CACNA1C: variants seen among roughly 807,000 people sequenced by gnomAD.
CACNA1C encodes calcium voltage-gated channel subunit alpha1 C, also known as voltage-dependent L-type calcium channel subunit alpha-1C.
CACNA1C carries 30 observed loss-of-function variants against 229.0 expected under a neutral mutation model. The ratio of observed to expected loss-of-function variants is 0.13; its 90% CI spans 0.10 to 0.18. The LOEUF (loss-of-function observed/expected upper bound fraction) is 0.18. Ranked by LOEUF, CACNA1C falls within the 10% of genes least tolerant of loss-of-function variation. CACNA1C has a pLI of 1.00. For missense variants in CACNA1C, 1,658 were observed against 2,845.0 expected (o/e 0.58, Z 9.49); for synonymous variants, 1,114 against 1,132.5 (o/e 0.98, Z 0.33).
At chr12:2,173,065 T>C (rs2096544231) in intron 3 of CACNA1C, among the ~76,000 whole-genome samples, 1 of 152,216 alleles carries the variant, frequency 6.6e-6, no homozygotes, top group Non-Finnish European at 1.5e-5. Flanking sequence ...GATGAGTGTG[T>C]CCGGCGGTGT....
chr12:2,521,291 CTG>C (rs1218643758), intron 9 of CACNA1C, among the ~76,000 whole-genome samples: 9 of 152,188 alleles, frequency 5.9e-5, no homozygotes. Flanking sequence ...GGAGGCCACA[CTG>C]TGGTTTTGGA....
chr12:2,574,791 A>C (rs2057780291), intron 13 of CACNA1C, among the ~76,000 whole-genome samples: 1 of 152,196 alleles, frequency 6.6e-6, no homozygotes, highest in East Asian at 1.9e-4. Context: ...ATTATTAAGG[A>C]AGTCTGTTTG....
chr12:2,021,572 C>T (rs192733981), intron 1 of CACNA1C, among the ~76,000 whole-genome samples: 67 of 152,022 alleles, frequency 4.4e-4, no homozygotes, highest in Middle Eastern at 6.8e-3. Flanking sequence ...TCCAGCTACT[C>T]AGGAGGCTGA....
rs908374968 is a variant in CACNA1C, at chr12:2,067,488, G to A, written c.49+13877G>A. On this transcript the variant is annotated intron_variant, in intron 1 of 46. Transcript: ENST00000399655. The surrounding 1 kb of genome is among the most constrained non-coding windows in gnomAD (Gnocchi z 5.3). Reference sequence around the variant, plus strand: ...TGTGTGTGTGTGTGTGTGTGCGCGCGTGTGCGTGCCTGTATGTAAGGGCAG... The same window carrying A: ...TGTGTGTGTGTGTGTGTGTGCGCGCATGTGCGTGCCTGTATGTAAGGGCAG... 3.3e-5 allele frequency among the ~76,000 whole-genome samples: 5 copies of A among 151,562 alleles called. No homozygotes were observed. The highest frequency in any genetic ancestry group is 3.9e-4 in the East Asian group (2 of 5,168).
At position 2,354,489 on chromosome 12, in the gene CACNA1C, G is replaced by A. The variant is rs1305124474; in HGVS notation, c.478-94487G>A. ...AGGAACAGGAGACTGTTGAGAAGGG[G>A]ACGGAGAACCTCACCAGCAGCTGAA... On this transcript the variant is annotated intron_variant, in intron 3 of 46. Coordinates refer to ENST00000399655, the MANE Select transcript of CACNA1C (RefSeq NM_000719.7). This position sits in a 1 kb window ranked among gnomAD's most constrained non-coding sequence, Gnocchi z 4.6. Among the ~76,000 whole-genome samples, 3 of 152,180 alleles carry A rather than the reference G, an allele frequency of 2.0e-5. No homozygotes were observed. The highest frequency in any genetic ancestry group is 7.2e-5 in the African/African-American group (3 of 41,442).
intron 3 of CACNA1C, among the ~76,000 whole-genome samples, chr12:2,189,508 C>T (rs938078788): frequency 3.3e-5 from 5 of 152,180 alleles, no homozygotes; most frequent in African/African-American, 1.2e-4. Flanking sequence ...TATGGGCCAT[C>T]GTGGCTGCCT....
At position 2,019,506 on chromosome 12, in the gene CACNA1C, A is replaced by G. The variant is rs2046008196; in HGVS notation, c.139+48305A>G. Among the ~76,000 whole-genome samples the G allele has an allele frequency of 2.2e-5, 3 of 134,612 alleles. No homozygotes were observed. In the South Asian group the frequency reaches 8.5e-4, roughly 38 times the overall value. The allele number at this position is 134,612 out of a possible 152,430, so 88.3% of individuals were successfully genotyped here. A position where few individuals can be genotyped will look rare whatever the true frequency, so the allele number is the denominator to read the frequency against. ...AGAAAAGAAAGGGAGGGAGGGAGGG[A>G]GGGAGGAAGGAAGGAAGGAAGGAAA... On this transcript the variant is annotated intron_variant, in intron 1 of 46. Transcript: ENST00000682462.
Position 2,432,429 on chromosome 12 carries a change from A to T in CACNA1C, c.478-16547A>T, listed in dbSNP as rs567208103. On this transcript the variant is annotated intron_variant, in intron 3 of 46. Transcript: ENST00000399655. ...AGGGGAGATGACCATCCTGATCATC[A>T]GCCTCAAAGACCTACCTCTGACTGA... Among the ~76,000 whole-genome samples, 3 of 152,302 alleles carry T rather than the reference A, an allele frequency of 2.0e-5. No individual in the cohort carries two copies. In the East Asian group the frequency reaches 5.8e-4, roughly 29 times the overall value.
chr12:2,427,483 T>C (rs1310268147), intron 3 of CACNA1C, among the ~76,000 whole-genome samples: 1 of 151,830 alleles, frequency 6.6e-6, no homozygotes, highest in Non-Finnish European at 1.5e-5. Flanking sequence ...GGATAGCCTA[T>C]GAAGATCAAG....
chr12:2,348,925 T>C lies in CACNA1C; in HGVS notation c.478-100051T>C, dbSNP rs970908709. 3.9e-5 allele frequency among the ~76,000 whole-genome samples: 6 copies of C among 152,188 alleles called. No individual in the cohort carries two copies. Among genetic ancestry groups the C allele is most frequent in the African/African-American group, 1.4e-4 (6 of 41,442 alleles). On this transcript the variant is annotated intron_variant, in intron 3 of 46. Coordinates refer to ENST00000399655, the MANE Select transcript of CACNA1C (RefSeq NM_000719.7). The surrounding 1 kb of genome is among the most constrained non-coding windows in gnomAD (Gnocchi z 4.7). ...AAAGTCCTCCTTAATGGAATTCCTC[T>C]TAGAGGCAGGCATCGACTGGCTAAC... is the stretch of plus-strand genomic sequence containing the variant.
chr12:2,123,526 A>G (rs1475805886), intron 3 of CACNA1C, among the ~76,000 whole-genome samples: 1 of 152,148 alleles, frequency 6.6e-6, no homozygotes, highest in East Asian at 1.9e-4. Flanking sequence ...TATATGTGCC[A>G]GGATGTCTTG....
chr12:2,446,680 G>A (rs1395914790), intron 3 of CACNA1C, among the ~76,000 whole-genome samples: 1 of 149,770 alleles, frequency 6.7e-6, no homozygotes, highest in Non-Finnish European at 1.5e-5. Context: ...TAGATGAATG[G>A]ATGGGTGAAT....
chr12:2,239,130 A>G (rs1273254994), intron 3 of CACNA1C, among the ~76,000 whole-genome samples: 1 of 152,196 alleles, frequency 6.6e-6, no homozygotes, highest in African/African-American at 2.4e-5. Context: ...TGACTGGGAA[A>G]GCGTCCGTGG....
chr12:2,120,311 A>C lies in CACNA1C; in HGVS notation c.372-14A>C. On this transcript the variant is annotated splice_polypyrimidine_tract_variant and intron_variant, in intron 2 of 46. Transcript: ENST00000399655. ...ACTTTCTGTGGCATTAACTTCCTTGACTCCCTTTCTCAGACCATTTGAAAT... is the reference window on the plus strand; with the variant it reads ...ACTTTCTGTGGCATTAACTTCCTTGCCTCCCTTTCTCAGACCATTTGAAAT... The C allele has an allele frequency of 8.2e-7, 1 of 1,225,606 alleles. No individual in the cohort carries two copies. Among genetic ancestry groups the C allele is most frequent in the Non-Finnish European group, 1.2e-6 (1 of 825,290 alleles). The allele number at this position is 1,225,606 out of a possible 1,614,324, so 75.9% of individuals were successfully genotyped here. A position where few individuals can be genotyped will look rare whatever the true frequency, so the allele number is the denominator to read the frequency against.
chr12:2,053,192 G>A lies in CACNA1C; in HGVS notation c.-371G>A. On this transcript the variant is annotated 5_prime_UTR_variant, in exon 1 of 47. Transcript: ENST00000399655. The surrounding 1 kb of genome is among the most constrained non-coding windows in gnomAD (Gnocchi z 5.8). ...CGCCTCGGCCCCTGCCGGCCCAGGC[G>A]GGCCCCGCGCGCCCCCCGCCCCTCC... 1.0e-6 allele frequency: 1 copy of A among 999,800 alleles called. No homozygotes were observed. Among genetic ancestry groups the A allele is most frequent in the South Asian group, 4.4e-5 (1 of 22,726 alleles). The allele number at this position is 999,800 out of a possible 1,614,324, so 61.9% of individuals were successfully genotyped here.
At chr12:2,690,757 AACAC>A (rs990486245) in intron 46 of CACNA1C, 139 bp from the exon 47 acceptor site, 21 of 772,728 alleles carry the variant, frequency 2.7e-5, no homozygotes, top group Middle Eastern at 3.9e-4. Flanking sequence ...TGCCCCTCCC[AACAC>A]ACACACGTAC....
intron 3 of CACNA1C, among the ~76,000 whole-genome samples, chr12:2,415,243 G>A (rs928432742): frequency 2.0e-4 from 31 of 152,126 alleles, no homozygotes; most frequent in South Asian, 2.1e-4. Context: ...ATTTTTGCTA[G>A]TCTTTTTTAT....
rs745997744 is a variant in CACNA1C at position 2,679,775 on chromosome 12, C to T, written c.5423C>T (p.Ala1808Val). ...LSPAIRVQEV[A>V]WKLSSNRCHS... ...CCTGCCATCCGGGTGCAGGAGGTGGCGTGGAAGCTCAGCTCCAACAGGTAA... is the reference window on the plus strand; with the variant it reads ...CCTGCCATCCGGGTGCAGGAGGTGGTGTGGAAGCTCAGCTCCAACAGGTAA... Residue 1808 changes from alanine (A) to valine (V), a missense_variant, in exon 42 of 47, where the codon GCG becomes GTG. Physicochemically the swap from Ala to Val is moderately conservative, Grantham distance 64. This residue lies in a region of CACNA1C where 590 missense variants were observed against 700.8 expected (regional missense o/e 0.84). Transcript: ENST00000399655. The surrounding 1 kb of genome is among the most constrained non-coding windows in gnomAD (Gnocchi z 5.5). The T allele has an allele frequency of 4.1e-5, 65 of 1,572,822 alleles. No homozygotes were observed. Among genetic ancestry groups the T allele is most frequent in the Non-Finnish European group, 5.3e-5 (61 of 1,158,202 alleles).
At chr12:2,510,247 A>G (rs960015321) in intron 8 of CACNA1C, among the ~76,000 whole-genome samples, 2 of 152,222 alleles carry the variant, frequency 1.3e-5, no homozygotes, top group Non-Finnish European at 2.9e-5. Flanking sequence ...GAGCAGGAAC[A>G]TGGCTGGCAT....
Sources: allele counts gnomAD v4.1 joint callset (sites outside exome capture counted in the v4.1 genomes callset), GRCh38; gene constraint gnomAD v4.1.1; regional missense constraint gnomAD v4.1.1; non-coding constraint Gnocchi (gnomAD v3.1); transcripts MANE v1.5; gene names NCBI Gene and HGNC (gene_info 2026-07-23, HGNC 2026-07-21).